Variants in G2E3 observed in about 807,000 individuals in gnomAD.
The protein encoded by G2E3 is G2/M-phase specific E3 ubiquitin protein ligase.
In G2E3, 35 loss-of-function variants were observed where a neutral mutation model predicts 92.8. That is an observed-to-expected ratio of 0.38 (90% CI 0.29 to 0.50). G2E3 has a LOEUF of 0.50. Ranked by LOEUF, G2E3 falls within the 20% of genes least tolerant of loss-of-function variation. The pLI is 0.94. For synonymous variants in G2E3, 242 were observed against 272.4 expected (o/e 0.89, Z 1.10); for missense variants, 554 against 823.8 (o/e 0.67, Z 4.01).
At chr14:30,610,250 A>AAG (rs1882023923) in intron 12 of G2E3, among the ~76,000 whole-genome samples, 1 of 152,214 alleles carries the variant, frequency 6.6e-6, no homozygotes, top group African/African-American at 2.4e-5. Flanking sequence ...AATTTACATT[A>AAG]AGAGAGAACA....
At chr14:30,594,741 A>G (rs1881190633) in intron 6 of G2E3, among the ~76,000 whole-genome samples, 1 of 151,882 alleles carries the variant, frequency 6.6e-6, no homozygotes, top group African/African-American at 2.4e-5. Context: ...TCTTAAAAAT[A>G]CTAACAGTAC....
rs759664895 is a variant in G2E3, at chr14:30,586,808, A to G, written c.128A>G (p.Tyr43Cys). The change falls in exon 3 of 15, where the codon TAC (tyrosine) becomes TGC (cysteine). Residue 43 changes from tyrosine (Y) to cysteine (C), a missense_variant. Physicochemically the swap from Tyr to Cys is radical, Grantham distance 194. This residue lies in a region of G2E3 where 137 missense variants were observed against 201.3 expected (regional missense o/e 0.68). Coordinates refer to ENST00000206595, the MANE Select transcript of G2E3 (RefSeq NM_017769.5). ...KEKWNLTVHY[Y>C]CLLMSSGIWQ... ...AAATGGAATCTCACTGTACATTACT[A>G]CTGTTTGGTGAGTATAATTTATAAT... is the stretch of plus-strand genomic sequence containing the variant. The G allele has an allele frequency of 1.8e-6, 2 of 1,141,030 alleles. No individual in the cohort carries two copies. The highest frequency in any genetic ancestry group is 2.5e-6 in the Non-Finnish European group (2 of 800,492). 70.7% of individuals were successfully genotyped at this position (1,141,030 alleles called of 1,614,324 possible).
At chr14:30,607,777 G>T (rs1881899818) in intron 11 of G2E3, 111 bp from the exon 12 acceptor site, 3 of 545,582 alleles carry the variant, frequency 5.5e-6, no homozygotes, top group South Asian at 5.8e-5. Context: ...TAGCTTCTAA[G>T]AATTATATTT....
At chr14:30,575,617 C>T (rs1310618545) in intron 1 of G2E3, among the ~76,000 whole-genome samples, 1 of 152,204 alleles carries the variant, frequency 6.6e-6, no homozygotes, top group African/African-American at 2.4e-5. Context: ...ATCTAGAAAA[C>T]CCCTTAGTCT....
chr14:30,585,579 C>T (rs1452557735), intron 2 of G2E3, among the ~76,000 whole-genome samples: 5 of 150,368 alleles, frequency 3.3e-5, no homozygotes. Context: ...TTTTAATCTT[C>T]TCCCCCTTTT....
At chr14:30,591,136 TGAAAA>T (rs1281117351) in intron 4 of G2E3, among the ~76,000 whole-genome samples, 8 of 152,138 alleles carry the variant, frequency 5.3e-5, no homozygotes, top group African/African-American at 1.9e-4. Flanking sequence ...TGTGAACCCT[TGAAAA>T]GAAGAGTCTC....
intron 12 of G2E3, among the ~76,000 whole-genome samples, chr14:30,610,686 A>T (rs1324366984): frequency 6.6e-6 from 1 of 152,218 alleles, no homozygotes; most frequent in African/African-American, 2.4e-5. Flanking sequence ...AGTATATACA[A>T]GTTAGGTTTT....
At chr14:30,560,163 CTAACCCAGTAG>C (rs757284774) in intron 1 of G2E3, 2 of 150,422 alleles carry the variant, frequency 1.3e-5, no homozygotes, top group East Asian at 3.9e-4. Flanking sequence ...GGAACTCTGT[CTAACCCAGTAG>C]TAAAGTCATG....
chr14:30,583,245 T>C (rs1224091125), intron 2 of G2E3, among the ~76,000 whole-genome samples: 1 of 152,208 alleles, frequency 6.6e-6, no homozygotes, highest in East Asian at 1.9e-4. Context: ...TAAATAAACA[T>C]GTAACAGAAA....
intron 8 of G2E3, among the ~76,000 whole-genome samples, chr14:30,599,067 T>C (rs1220272304): frequency 6.6e-6 from 1 of 152,212 alleles, no homozygotes; most frequent in Non-Finnish European, 1.5e-5. Context: ...GAGGCCTCCC[T>C]CCTTGGCTTG....
intron 6 of G2E3, among the ~76,000 whole-genome samples, chr14:30,596,722 C>T (rs1352852190): frequency 3.3e-5 from 5 of 152,210 alleles, no homozygotes; most frequent in African/African-American, 1.2e-4. Flanking sequence ...TACCTACTCA[C>T]TAGAATTCCT....
chr14:30,602,759 A>T (rs569168357), intron 10 of G2E3: 3 of 152,382 alleles, frequency 2.0e-5, no homozygotes, highest in Admixed American at 1.3e-4. Flanking sequence ...CTACAGATGC[A>T]TGCCACCATG....
intron 8 of G2E3, among the ~76,000 whole-genome samples, chr14:30,601,562 TTGTA>T (rs1305527347): frequency 1.8e-4 from 27 of 152,328 alleles, no homozygotes; most frequent in Middle Eastern, 6.8e-3. Context: ...TTTATATTCT[TTGTA>T]TGTGCATATG....
chr14:30,593,968 G>T (rs1362584261), intron 6 of G2E3, among the ~76,000 whole-genome samples: 2 of 152,108 alleles, frequency 1.3e-5, no homozygotes, highest in African/African-American at 4.8e-5. Context: ...ACATATTTAT[G>T]CTGGAAAACC....
chr14:30,579,008 G>T (rs1880278145), intron 1 of G2E3, among the ~76,000 whole-genome samples: 1 of 152,144 alleles, frequency 6.6e-6, no homozygotes, highest in Non-Finnish European at 1.5e-5. Flanking sequence ...GGTCTTAGAT[G>T]TATCAGCATG....
chr14:30,610,349 G>A (rs951063938), intron 12 of G2E3, among the ~76,000 whole-genome samples: 6 of 152,142 alleles, frequency 3.9e-5, no homozygotes, highest in African/African-American at 1.4e-4. Context: ...GGCGCAGTGG[G>A]TCACGCCTGT....
At chr14:30,589,313 T>C (rs1301506798) in intron 3 of G2E3, 70 bp from the exon 4 acceptor site, 14 of 839,578 alleles carry the variant, frequency 1.7e-5, no homozygotes, top group Non-Finnish European at 2.8e-5. Flanking sequence ...CTGAATAGTA[T>C]GGATATATAT....
chr14:30,615,663 T>C (rs952810444), intron 14 of G2E3, 124 bp downstream of exon 14: 6 of 499,090 alleles, frequency 1.2e-5, no homozygotes, highest in Non-Finnish European at 2.1e-5. Context: ...ACTCCGTATT[T>C]ACAAAAGAAA....
intron 1 of G2E3, among the ~76,000 whole-genome samples, chr14:30,577,067 A>G (rs1020342743): frequency 1.3e-5 from 2 of 152,010 alleles, no homozygotes; most frequent in Admixed American, 6.6e-5. Flanking sequence ...TGTACTAAAA[A>G]TACAAAAATT....
Sources: gnomAD v4.1 joint callset for allele counts (sites outside exome capture counted in the v4.1 genomes callset) on GRCh38, gnomAD v4.1.1 for gene constraint, gnomAD v4.1.1 regional missense constraint, MANE v1.5 for transcripts, NCBI Gene and HGNC (gene_info 2026-07-23, HGNC 2026-07-21) for gene names.